The following ERBB4 variants were observed in gnomAD, a reference collection of about 807,000 sequenced individuals.
The protein encoded by ERBB4 is erb-b2 receptor tyrosine kinase 4, also known as receptor tyrosine-protein kinase erbB-4.
In ERBB4, 42 loss-of-function variants were observed where a neutral mutation model predicts 158.0. The observed-to-expected ratio is 0.27, with a 90% CI of 0.21 to 0.34. The LOEUF (loss-of-function observed/expected upper bound fraction) is 0.34. ERBB4 is among the 10% of genes least tolerant of loss of function. The probability of loss-of-function intolerance (pLI) is 1.00; values close to 1 mark genes in which losing one functional copy is unlikely to be tolerated. For synonymous variants in ERBB4, 583 were observed against 558.7 expected (o/e 1.04, Z -0.61); for missense variants, 1,333 against 1,624.1 (o/e 0.82, Z 3.08).
chr2:211,939,220 TTGTCTTAA>T (rs2080415980), intron 3 of ERBB4, among the ~76,000 whole-genome samples: 1 of 152,150 alleles, frequency 6.6e-6, no homozygotes, highest in South Asian at 2.1e-4. Flanking sequence ...CCTGAAGAAA[TTGTCTTAA>T]ACAATTTTTG....
intron 1 of ERBB4, among the ~76,000 whole-genome samples, chr2:212,151,855 C>A (rs1559605306): frequency 6.6e-6 from 1 of 151,934 alleles, no homozygotes; most frequent in Non-Finnish European, 1.5e-5. Context: ...CACCACTGCA[C>A]TCCAGCTAAA....
intron 2 of ERBB4, among the ~76,000 whole-genome samples, chr2:211,948,726 T>C (rs1217216687): frequency 6.6e-6 from 1 of 152,088 alleles, no homozygotes; most frequent in Non-Finnish European, 1.5e-5. Flanking sequence ...CAATTTCATG[T>C]TATTCTAACT....
chr2:212,028,378 C>T (rs910139837), intron 2 of ERBB4, among the ~76,000 whole-genome samples: 2 of 152,042 alleles, frequency 1.3e-5, no homozygotes, highest in African/African-American at 2.4e-5. Context: ...TAAATGTCCC[C>T]GCCTGGCAAT....
At chr2:212,340,827 A>G (rs914431765) in intron 1 of ERBB4, among the ~76,000 whole-genome samples, 1 of 152,140 alleles carries the variant, frequency 6.6e-6, no homozygotes, top group Non-Finnish European at 1.5e-5. Context: ...CTAAAATCCA[A>G]TGATTTAAAT....
intron 1 of ERBB4, among the ~76,000 whole-genome samples, chr2:212,193,562 C>T (rs1227272351): frequency 1.3e-5 from 2 of 151,724 alleles, no homozygotes; most frequent in East Asian, 1.9e-4. Context: ...TACATTAAAC[C>T]AAACAGAAAG....
At chr2:212,183,979 C>G (rs2081945784) in intron 1 of ERBB4, among the ~76,000 whole-genome samples, 1 of 152,112 alleles carries the variant, frequency 6.6e-6, no homozygotes, top group South Asian at 2.1e-4. Context: ...TTTAAGCATG[C>G]TCTGTTCCCA....
rs1197570864 is a variant in ERBB4 at position 211,381,697 on chromosome 2, C to T, written c.*1918G>A. On this transcript the variant is annotated 3_prime_UTR_variant, in exon 28 of 28. Transcript: ENST00000342788. Reference sequence around the variant, plus strand: ...GGATGGATGGATGGATTTACTTGTTCAGAATAGGAAGAAACACAAATTTCT... The same window carrying T: ...GGATGGATGGATGGATTTACTTGTTTAGAATAGGAAGAAACACAAATTTCT... The T allele has an allele frequency of 1.3e-5, 3 of 231,490 alleles. No individual in the cohort carries two copies. The highest frequency in any genetic ancestry group is 2.2e-5 in the African/African-American group (1 of 45,234). 14.3% of individuals were successfully genotyped at this position (231,490 alleles called of 1,614,324 possible). A position where few individuals can be genotyped will look rare whatever the true frequency, so the allele number is the denominator to read the frequency against.
chr2:211,994,581 T>C (rs1441259516), intron 2 of ERBB4, among the ~76,000 whole-genome samples: 1 of 152,236 alleles, frequency 6.6e-6, no homozygotes, highest in African/African-American at 2.4e-5. Flanking sequence ...TGTTGTTTTT[T>C]TACTTTATAG....
At chr2:212,173,898 G>A (rs753625318) in intron 1 of ERBB4, among the ~76,000 whole-genome samples, 1 of 152,208 alleles carries the variant, frequency 6.6e-6, no homozygotes, top group African/African-American at 2.4e-5. Flanking sequence ...TTAAATATGA[G>A]CTCCTACTGC....
chr2:211,534,459 A>G (rs1397265692), intron 20 of ERBB4, among the ~76,000 whole-genome samples: 1 of 152,084 alleles, frequency 6.6e-6, no homozygotes, highest in Non-Finnish European at 1.5e-5. Context: ...ACAAAATTAC[A>G]TAAACCCTAC....
At chr2:212,081,596 A>G (rs895629556) in intron 2 of ERBB4, among the ~76,000 whole-genome samples, 1 of 152,130 alleles carries the variant, frequency 6.6e-6, no homozygotes, top group Admixed American at 6.6e-5. Context: ...ACATTTACTG[A>G]TTAAAAAGAT....
At chr2:211,797,927 T>C (rs1396561146) in intron 3 of ERBB4, among the ~76,000 whole-genome samples, 1 of 152,016 alleles carries the variant, frequency 6.6e-6, no homozygotes, top group East Asian at 1.9e-4. Context: ...ATACAAAATA[T>C]CAGGTACTGT....
intron 1 of ERBB4, among the ~76,000 whole-genome samples, chr2:212,283,031 T>G (rs2085818147): frequency 6.6e-6 from 1 of 151,826 alleles, no homozygotes; most frequent in Non-Finnish European, 1.5e-5. Flanking sequence ...TCGGTCTATT[T>G]CCATGGCAGG....
chr2:211,777,002 T>C (rs116444130), intron 4 of ERBB4, among the ~76,000 whole-genome samples: 2,469 of 152,250 alleles, frequency 0.016, 35 homozygotes, highest in Non-Finnish European at 0.025. Context: ...TGCATTTTAG[T>C]ATCTTGTTTT....
intron 2 of ERBB4, among the ~76,000 whole-genome samples, chr2:212,041,128 C>CA (rs1370185122): frequency 2.6e-5 from 4 of 151,224 alleles, no homozygotes; most frequent in Admixed American, 6.6e-5. Flanking sequence ...TGATCAATAA[C>CA]AAAAAACAAA....
chr2:211,484,605 T>G (rs567309070), intron 20 of ERBB4, among the ~76,000 whole-genome samples: 1 of 152,258 alleles, frequency 6.6e-6, no homozygotes, highest in South Asian at 2.1e-4. Context: ...AATATTACCA[T>G]GAATAAAAAG....
chr2:212,345,265 C>CAAAAAAAAAAAAAAAAAGAAAAAAAAAA (rs367985477), intron 1 of ERBB4, among the ~76,000 whole-genome samples: 1 of 77,718 alleles, frequency 1.3e-5, no homozygotes, highest in Non-Finnish European at 2.6e-5. Flanking sequence ...GACTCCGTCT[C>CAAAAAAAAAAAAAAAAAGAAAAAAAAAA]AAAAAAAAAA....
chr2:212,473,499 T>G (rs1195497495), intron 1 of ERBB4, among the ~76,000 whole-genome samples: 3 of 152,084 alleles, frequency 2.0e-5, no homozygotes, highest in Non-Finnish European at 4.4e-5. Context: ...CAGAAAAACA[T>G]GAAATAGATT....
chr2:211,952,362 G>C (rs2080896104), intron 2 of ERBB4, among the ~76,000 whole-genome samples: 1 of 151,986 alleles, frequency 6.6e-6, no homozygotes, highest in South Asian at 2.1e-4. Context: ...AAATAACGTG[G>C]TTTGAGATGA....
Sources: gnomAD v4.1 joint callset for allele counts (sites outside exome capture counted in the v4.1 genomes callset) on GRCh38, gnomAD v4.1.1 for gene constraint, MANE v1.5 for transcripts, NCBI Gene and HGNC (gene_info 2026-07-23, HGNC 2026-07-21) for gene names.